The following RAB40C variants were observed in gnomAD, a reference collection of about 807,000 sequenced individuals.
RAB40C encodes the protein RAB40C, member RAS oncogene family, also known as ras-related protein Rab-40C.
A neutral mutation model predicts 28.1 loss-of-function variants in RAB40C; 8 were observed. The observed-to-expected ratio is 0.28, with a 90% confidence interval of 0.17 to 0.51. RAB40C has a LOEUF of 0.51. Ranked by LOEUF, RAB40C falls within the 20% of genes least tolerant of loss-of-function variation. The probability of loss-of-function intolerance (pLI) is 0.97; values close to 1 mark genes in which losing one functional copy is unlikely to be tolerated. For synonymous variants in RAB40C, 201 were observed against 171.7 expected (o/e 1.17, Z -1.34); for missense variants, 288 against 405.9 (o/e 0.71, Z 2.50).
At chr16:609,310 C>T (rs973976630) in intron 1 of RAB40C, among the ~76,000 whole-genome samples, 3 of 151,962 alleles carry the variant, frequency 2.0e-5, no homozygotes, top group African/African-American at 7.3e-5. Context: ...AAAATTGAGT[C>T]GTGGACAGCA....
At position 601,262 on chromosome 16, in the gene RAB40C, G is replaced by T. The variant is rs2036243066; in HGVS notation, c.142+10829G>T. Among the ~76,000 whole-genome samples, 5 of 152,196 alleles carry T rather than the reference G, an allele frequency of 3.3e-5. No homozygotes were observed. The South Asian group carries it at 1.0e-3, about 32-fold the overall frequency. On this transcript the variant is annotated intron_variant, in intron 1 of 5. Coordinates refer to ENST00000248139, the MANE Select transcript of RAB40C (RefSeq NM_021168.5). ...ATCAAGGCTGTATCACCGAGTATCT[G>T]CTCATTCTGAAAGTGTGCATCCTTT...
chr16:614,162 C>G, intron 1 of RAB40C, among the ~76,000 whole-genome samples: 1 of 147,090 alleles, frequency 6.8e-6, no homozygotes, highest in South Asian at 2.3e-4. Context: ...ACTACCGCAT[C>G]CCGATGGTGA....
chr16:613,194 C>T (rs531737031), intron 1 of RAB40C, among the ~76,000 whole-genome samples: 40 of 140,894 alleles, frequency 2.8e-4, no homozygotes, highest in African/African-American at 1.0e-3. Context: ...GCCGCCCTCA[C>T]CTGTAGAATC....
intron 3 of RAB40C, among the ~76,000 whole-genome samples, chr16:619,857 G>A (rs72767885): frequency 6.6e-6 from 1 of 152,178 alleles, no homozygotes; most frequent in Non-Finnish European, 1.5e-5. Flanking sequence ...AAGTGTAGTC[G>A]GTGTTGGATC....
At chr16:597,968 C>T (rs201859512) in intron 1 of RAB40C, among the ~76,000 whole-genome samples, 1 of 146,426 alleles carries the variant, frequency 6.8e-6, no homozygotes, top group East Asian at 2.1e-4. Context: ...AAAAAAAGGC[C>T]GGGTGCAGTG....
intron 1 of RAB40C, among the ~76,000 whole-genome samples, chr16:615,536 CT>C (rs1410563679): frequency 6.6e-6 from 1 of 152,242 alleles, no homozygotes; most frequent in Non-Finnish European, 1.5e-5. Context: ...GTAGAAGCTT[CT>C]GGAAAGTTTC....
At chr16:600,443 T>C (rs2036225304) in intron 1 of RAB40C, among the ~76,000 whole-genome samples, 1 of 152,264 alleles carries the variant, frequency 6.6e-6, no homozygotes, top group South Asian at 2.1e-4. Context: ...AACATTGTTG[T>C]TGGACTTTTT....
intron 1 of RAB40C, among the ~76,000 whole-genome samples, chr16:602,587 C>T (rs556730782): frequency 6.6e-6 from 1 of 152,222 alleles, no homozygotes; most frequent in Non-Finnish European, 1.5e-5. Flanking sequence ...TGCCACCACG[C>T]CCGGCTAGTT....
In RAB40C at chr16:601,845, A is replaced by T. The variant is rs1028468142; in HGVS notation, c.142+11412A>T. Among the ~76,000 whole-genome samples the T allele has an allele frequency of 1.1e-3, 153 of 138,748 alleles. 1 individual carries two copies. Among genetic ancestry groups the T allele is most frequent in the Middle Eastern group, 3.6e-3 (1 of 274 alleles). 91.0% of individuals were successfully genotyped at this position (138,748 alleles called of 152,430 possible). On this transcript the variant is annotated intron_variant, in intron 1 of 5. Transcript: ENST00000248139. ...AAAAAAAAAAAAAAAAAAAAAAAAAAGGCCGGATGCGGTGGCTCACGCCTG... is the reference window on the plus strand; with the variant it reads ...AAAAAAAAAAAAAAAAAAAAAAAAATGGCCGGATGCGGTGGCTCACGCCTG...
At chr16:600,761 AAAAT>A (rs2151063725) in intron 1 of RAB40C, among the ~76,000 whole-genome samples, 1 of 152,260 alleles carries the variant, frequency 6.6e-6, no homozygotes, top group East Asian at 1.9e-4. Context: ...CAAAAAAATA[AAAAT>A]AAGAGCTTTG....
intron 2 of RAB40C, among the ~76,000 whole-genome samples, chr16:617,632 C>T (rs1203896886): frequency 6.6e-6 from 1 of 151,722 alleles, no homozygotes; most frequent in Non-Finnish European, 1.5e-5. Context: ...CACCTGAGGT[C>T]AGGAGTCCAA....
intron 1 of RAB40C, 39 bp downstream of exon 1, chr16:590,472 C>T (rs1486675462): frequency 9.3e-6 from 14 of 1,501,946 alleles, no homozygotes; most frequent in African/African-American, 1.5e-5. Context: ...TACGCGGGGC[C>T]CGAGCCCGGC....
Position 617,191 on chromosome 16 carries a change from C to T in RAB40C, c.143-17C>T, listed in dbSNP as rs1182206168. On this transcript the variant is annotated splice_polypyrimidine_tract_variant and intron_variant, in intron 1 of 5. Transcript: ENST00000248139. The stretch of plus-strand genomic sequence containing the variant: ...CAGGAGTGGCGCGTCCCCTCAGCGC[C>T]CTGTGCTTCCTCGCAGGGATCGACT... 1.2e-6 allele frequency: 2 copies of T among 1,613,138 alleles called. No homozygotes were observed. The highest frequency in any genetic ancestry group is 1.7e-6 in the Non-Finnish European group (2 of 1,179,940).
At position 590,087 on chromosome 16, in the gene RAB40C, T is replaced by A. The variant is rs370909308; in HGVS notation, c.-205T>A. 0.019 allele frequency: 2,752 copies of A among 146,406 alleles called. 40 individuals are homozygous for A. Among genetic ancestry groups the A allele is most frequent in the Non-Finnish European group, 0.026 (1,932 of 74,046 alleles). The allele number at this position is 146,406 out of a possible 1,614,324, so 9.1% of individuals were successfully genotyped here. ...TGGGGCGGCGCGGCGGCCCTGGTGG[T>A]GCGGGAAGCGGCGGGGCGGCGGCGA... On this transcript the variant is annotated 5_prime_UTR_variant, in exon 1 of 6. Transcript: ENST00000248139.
intron 3 of RAB40C, chr16:625,109 C>T (rs1298714205): frequency 1.1e-5 from 15 of 1,321,558 alleles, no homozygotes; most frequent in African/African-American, 3.0e-5. Context: ...CACAGCTGCA[C>T]GTCCCCCGGC....
rs775459220 is a variant in RAB40C at position 627,613 on chromosome 16, G to T, written c.837G>T (p.Lys279Asn). 1 of 1,585,716 alleles carries T rather than the reference G, an allele frequency of 6.3e-7. No homozygotes were observed. Among genetic ancestry groups the T allele is most frequent in the Non-Finnish European group, 8.6e-7 (1 of 1,163,752 alleles). The part of the protein sequence containing the change: ...PPQNCSRSNC[K>N]IS ...AGAACTGCTCGCGGAGTAACTGCAA[G>T]ATCTCCTAGCGGGGATGGGCGGGGC... Residue 279 changes from lysine to asparagine, a missense_variant, in exon 6 of 6, where the codon AAG becomes AAT. By Grantham distance (94) the Lys-to-Asn change is moderately conservative. Transcript: ENST00000248139.
At chr16:611,116 C>A (rs1268864908) in intron 1 of RAB40C, among the ~76,000 whole-genome samples, 1 of 152,216 alleles carries the variant, frequency 6.6e-6, no homozygotes, top group Non-Finnish European at 1.5e-5. Context: ...AGACGTCCAG[C>A]GGGAGGAGCA....
intron 1 of RAB40C, chr16:616,949 G>T: frequency 2.1e-6 from 1 of 480,458 alleles, no homozygotes; most frequent in South Asian, 2.6e-5. Context: ...TGTGGGGCCC[G>T]ATGGCCTGAC....
At chr16:617,671 CATCTCTACT>C (rs1366300001) in intron 2 of RAB40C, among the ~76,000 whole-genome samples, 2 of 152,164 alleles carry the variant, frequency 1.3e-5, no homozygotes, top group African/African-American at 4.8e-5. Context: ...GGTGAAACGC[CATCTCTACT>C]AAAAATACAA....
Sources: gnomAD v4.1 joint callset for allele counts (sites outside exome capture counted in the v4.1 genomes callset) on GRCh38, gnomAD v4.1.1 for gene constraint, MANE v1.5 for transcripts, NCBI Gene and HGNC (gene_info 2026-07-23, HGNC 2026-07-21) for gene names.